BMPR1A: variants seen among roughly 807,000 people sequenced by gnomAD.
BMPR1A encodes the protein bone morphogenetic protein receptor type-1A.
BMPR1A carries 7 observed loss-of-function variants against 66.0 expected under a neutral mutation model. The ratio of observed to expected loss-of-function variants is 0.11; its 90% confidence interval spans 0.06 to 0.20. The LOEUF (loss-of-function observed/expected upper bound fraction) is 0.20. Among genes scored for constraint, BMPR1A ranks in the 10% least tolerant of loss-of-function variants. BMPR1A has a pLI of 1.00. For synonymous variants in BMPR1A, 200 were observed against 229.7 expected, an observed-to-expected ratio of 0.87 and a Z score of 1.17; for missense variants, 408 against 669.1, an observed-to-expected ratio of 0.61 and a Z score of 4.31.
chr10:86,766,003 T>TTTTTTTTTTTTTA (rs1216917042), intron 1 of BMPR1A, among the ~76,000 whole-genome samples: 11 of 150,960 alleles, frequency 7.3e-5, no homozygotes, highest in Non-Finnish European at 1.5e-4. Context: ...TTTTTTTTTT[T>TTTTTTTTTTTTTA]GAGGGAAGGT....
At chr10:86,890,556 A>G (rs1349123407) in intron 4 of BMPR1A, among the ~76,000 whole-genome samples, 1 of 152,012 alleles carries the variant, frequency 6.6e-6, no homozygotes, top group East Asian at 1.9e-4. Context: ...AAAAGAAATC[A>G]GAAAACTCAC....
At chr10:86,860,356 T>C (rs181240488) in intron 2 of BMPR1A, among the ~76,000 whole-genome samples, 23 of 152,272 alleles carry the variant, frequency 1.5e-4, no homozygotes, top group Non-Finnish European at 3.1e-4. Context: ...AGTTTAACAA[T>C]ATGTAAGGCA....
chr10:86,925,764 A>G lies in BMPR1A; in HGVS notation c.*2045A>G, dbSNP rs910347845. 6 of 126,312 alleles carry G rather than the reference A, an allele frequency of 4.8e-5. No homozygotes were observed. The highest frequency in any genetic ancestry group is 8.7e-5 in the Non-Finnish European group (6 of 68,612). 7.8% of individuals were successfully genotyped at this position (126,312 alleles called of 1,614,324 possible). A position where few individuals can be genotyped will look rare whatever the true frequency, so the allele number is the denominator to read the frequency against. On this transcript the variant is annotated 3_prime_UTR_variant, in exon 13 of 13. Transcript: ENST00000372037. ...GAGACGGAGTCTCGCTCTGTCGCCC[A>G]GGCTGGACTGCGGACTGCAGTGGCG... is the stretch of plus-strand genomic sequence containing the variant.
intron 1 of BMPR1A, among the ~76,000 whole-genome samples, chr10:86,797,078 T>TTTTTG: frequency 6.7e-6 from 1 of 148,160 alleles, no homozygotes; most frequent in East Asian, 2.0e-4. Context: ...CTTTTTTTTT[T>TTTTTG]TTTTTTGAGA....
At chr10:86,868,700 T>TG (rs1327385307) in intron 2 of BMPR1A, among the ~76,000 whole-genome samples, 1 of 151,484 alleles carries the variant, frequency 6.6e-6, no homozygotes, top group Non-Finnish European at 1.5e-5. Flanking sequence ...AAATCAACGG[T>TG]GGGGGGCTTA....
At chr10:86,833,313 A>G (rs1842299402) in intron 1 of BMPR1A, among the ~76,000 whole-genome samples, 2 of 152,150 alleles carry the variant, frequency 1.3e-5, no homozygotes, top group Admixed American at 1.3e-4. Context: ...GGGTGTTTAT[A>G]ATCTTTTCAT....
At chr10:86,909,586 CAA>C (rs776483639) in intron 7 of BMPR1A, among the ~76,000 whole-genome samples, 5 of 110,260 alleles carry the variant, frequency 4.5e-5, no homozygotes, top group Non-Finnish European at 1.9e-5. Flanking sequence ...GACCCTATCT[CAA>C]AAAAAAAAAA....
At chr10:86,809,980 A>ATTG (rs1426481825) in intron 1 of BMPR1A, among the ~76,000 whole-genome samples, 2 of 151,166 alleles carry the variant, frequency 1.3e-5, no homozygotes, top group Non-Finnish European at 1.5e-5. Context: ...TATTATTATT[A>ATTG]TTATTTTTGA....
Position 86,924,751 on chromosome 10 carries a change from T to C in BMPR1A, c.*1032T>C. On this transcript the variant is annotated 3_prime_UTR_variant, in exon 13 of 13. Coordinates refer to ENST00000372037, the MANE Select transcript of BMPR1A (RefSeq NM_004329.3). Reference sequence around the variant, plus strand: ...TTTATTTGCAAATCACCCACTCCTTTACAACCATACTTTATATATGTACAT... The same window carrying C: ...TTTATTTGCAAATCACCCACTCCTTCACAACCATACTTTATATATGTACAT... 4.3e-6 allele frequency: 1 copy of C among 232,900 alleles called. No homozygotes were observed. Among genetic ancestry groups the C allele is most frequent in the Non-Finnish European group, 8.5e-6 (1 of 117,866 alleles). The allele number at this position is 232,900 out of a possible 1,614,324, so 14.4% of individuals were successfully genotyped here.
Position 86,925,657 on chromosome 10 carries a change from C to T in BMPR1A, c.*1938C>T, listed in dbSNP as rs115697341. 3.3e-3 allele frequency: 625 copies of T among 191,930 alleles called. 7 individuals carry two copies. Among genetic ancestry groups the T allele is most frequent in the African/African-American group, 0.014 (590 of 42,830 alleles). The allele number at this position is 191,930 out of a possible 1,614,324, so 11.9% of individuals were successfully genotyped here. Reference sequence around the variant, plus strand: ...TATGATATGATTGCACTTAGAACACCCAATTTACTTAAATCTTGGTTTACT... The same window carrying T: ...TATGATATGATTGCACTTAGAACACTCAATTTACTTAAATCTTGGTTTACT... On this transcript the variant is annotated 3_prime_UTR_variant, in exon 13 of 13. Transcript: ENST00000372037.
intron 5 of BMPR1A, among the ~76,000 whole-genome samples, chr10:86,899,011 T>C (rs1455151120): frequency 6.6e-6 from 1 of 152,230 alleles, no homozygotes; most frequent in Non-Finnish European, 1.5e-5. Context: ...ATGTTTACCT[T>C]TTTAAAGTCA....
chr10:86,812,351 T>G (rs1841982897), intron 1 of BMPR1A, among the ~76,000 whole-genome samples: 1 of 152,212 alleles, frequency 6.6e-6, no homozygotes, highest in Non-Finnish European at 1.5e-5. Context: ...TGAAGAGTGT[T>G]GTCCCTTTCT....
At chr10:86,867,220 A>G (rs74153419) in intron 2 of BMPR1A, among the ~76,000 whole-genome samples, 11,894 of 152,296 alleles carry the variant, frequency 0.078, 531 homozygotes, top group African/African-American at 0.084. Flanking sequence ...GAGTGTTGAC[A>G]TGACGCTCAA....
At chr10:86,841,375 A>T (rs1485444343) in intron 2 of BMPR1A, among the ~76,000 whole-genome samples, 1 of 152,236 alleles carries the variant, frequency 6.6e-6, no homozygotes, top group African/African-American at 2.4e-5. Flanking sequence ...CCATAATTAC[A>T]TACAGCTATA....
chr10:86,909,018 G>A (rs1393594121), intron 7 of BMPR1A, among the ~76,000 whole-genome samples: 1 of 152,178 alleles, frequency 6.6e-6, no homozygotes, highest in African/African-American at 2.4e-5. Flanking sequence ...CCTGTGCTCT[G>A]GGGCAGGGGG....
Position 86,756,621 on chromosome 10 carries a change from G to A in BMPR1A, c.-566G>A, listed in dbSNP as rs867115381. ...GCGCCGCCCCCTCCCCTCCTGGCAA[G>A]AGTCGGCGGCGGTGGCGGCGGCCGC... On this transcript the variant is annotated 5_prime_UTR_variant, in exon 1 of 13. Coordinates refer to ENST00000372037, the MANE Select transcript of BMPR1A (RefSeq NM_004329.3). 1.3e-5 allele frequency: 2 copies of A among 151,278 alleles called. No homozygotes were observed. The highest frequency in any genetic ancestry group is 2.4e-5 in the African/African-American group (1 of 41,276). 9.4% of individuals were successfully genotyped at this position (151,278 alleles called of 1,614,324 possible).
chr10:86,765,322 C>T (rs974456216), intron 1 of BMPR1A, among the ~76,000 whole-genome samples: 1 of 151,764 alleles, frequency 6.6e-6, no homozygotes, highest in Non-Finnish European at 1.5e-5. Flanking sequence ...CCCATCTCCA[C>T]TAAAAATACA....
At chr10:86,882,696 A>C (rs575991287) in intron 3 of BMPR1A, among the ~76,000 whole-genome samples, 25 of 151,122 alleles carry the variant, frequency 1.7e-4, no homozygotes, top group African/African-American at 5.6e-4. Context: ...ACGGTGGCTC[A>C]TGTCATGTCT....
chr10:86,833,760 T>C (rs979546205), intron 1 of BMPR1A, among the ~76,000 whole-genome samples: 4 of 152,212 alleles, frequency 2.6e-5, no homozygotes, highest in Admixed American at 2.6e-4. Context: ...GCAGTTTACA[T>C]TGTGTAGGGA....
Sources: gnomAD v4.1 joint callset for allele counts (sites outside exome capture counted in the v4.1 genomes callset) on GRCh38, gnomAD v4.1.1 for gene constraint, MANE v1.5 for transcripts, NCBI Gene and HGNC (gene_info 2026-07-23, HGNC 2026-07-21) for gene names.